The following PAPPA variants were observed in gnomAD, a reference collection of about 807,000 sequenced individuals.
PAPPA encodes the protein pappalysin-1.
Under a neutral mutation model 164.0 loss-of-function variants are expected in PAPPA, and 60 were observed. That is an observed-to-expected ratio of 0.37 (90% CI 0.30 to 0.45). PAPPA has a LOEUF of 0.45. Among genes scored for constraint, PAPPA ranks in the 20% least tolerant of loss-of-function variants. The probability of loss-of-function intolerance (pLI) is 1.00; values close to 1 mark genes in which losing one functional copy is unlikely to be tolerated. For missense variants in PAPPA, 1,782 were observed against 2,087.3 expected (o/e 0.85, Z 2.85); for synonymous variants, 875 against 814.1 (o/e 1.07, Z -1.27).
intron 10 of PAPPA, among the ~76,000 whole-genome samples, chr9:116,317,804 C>T (rs1038927897): frequency 1.3e-5 from 2 of 152,150 alleles, no homozygotes; most frequent in African/African-American, 4.8e-5. Context: ...GTGCTCCTGT[C>T]TAGAGTTGAG....
At chr9:116,350,930 G>T (rs1846273090) in intron 15 of PAPPA, among the ~76,000 whole-genome samples, 1 of 152,118 alleles carries the variant, frequency 6.6e-6, no homozygotes, top group Non-Finnish European at 1.5e-5. Context: ...TCCCCTATGG[G>T]GTTTACAGAC....
chr9:116,165,839 A>G (rs1208798742), intron 1 of PAPPA, among the ~76,000 whole-genome samples: 2 of 152,162 alleles, frequency 1.3e-5, no homozygotes, highest in Non-Finnish European at 2.9e-5. Flanking sequence ...ACTTCCCCAA[A>G]GTGTAACTTG....
intron 1 of PAPPA, among the ~76,000 whole-genome samples, chr9:116,155,640 C>A (rs569134170): frequency 6.6e-6 from 1 of 152,296 alleles, no homozygotes; most frequent in Admixed American, 6.5e-5. Context: ...GCGATCCCAC[C>A]CCCTCACACA....
intron 3 of PAPPA, among the ~76,000 whole-genome samples, chr9:116,209,928 G>T (rs974610542): frequency 6.6e-6 from 1 of 152,148 alleles, no homozygotes; most frequent in Admixed American, 6.5e-5. Flanking sequence ...CTGGACTCCA[G>T]GCTGCCCTCT....
chr9:116,177,591 T>G (rs1843852112), intron 1 of PAPPA, among the ~76,000 whole-genome samples: 1 of 152,228 alleles, frequency 6.6e-6, no homozygotes, highest in Non-Finnish European at 1.5e-5. Context: ...AGGGTCAGTC[T>G]TGGGGCTGCC....
At chr9:116,382,269 G>A in intron 20 of PAPPA, 126 bp from the exon 21 acceptor site, 1 of 680,184 alleles carries the variant, frequency 1.5e-6, no homozygotes, top group South Asian at 1.7e-5. Context: ...GGGATGTGAA[G>A]CCTGGCCAGC....
chr9:116,307,753 T>G (rs1012901545), intron 10 of PAPPA, among the ~76,000 whole-genome samples: 3 of 152,088 alleles, frequency 2.0e-5, no homozygotes, highest in Admixed American at 6.5e-5. Context: ...TGGCCGTTAA[T>G]GAGGTGAAGT....
At chr9:116,238,028 C>G (rs938795141) in intron 7 of PAPPA, among the ~76,000 whole-genome samples, 4 of 152,014 alleles carry the variant, frequency 2.6e-5, no homozygotes, top group Non-Finnish European at 5.9e-5. Context: ...TAGTTCTTCT[C>G]AATTTGGATT....
intron 10 of PAPPA, among the ~76,000 whole-genome samples, chr9:116,326,995 T>C (rs986569178): frequency 2.0e-5 from 3 of 152,224 alleles, no homozygotes; most frequent in African/African-American, 7.2e-5. Context: ...GATGGACATG[T>C]AGGTTGTTAC....
At chr9:116,393,631 T>C (rs1178846190) in intron 21 of PAPPA, among the ~76,000 whole-genome samples, 1 of 152,124 alleles carries the variant, frequency 6.6e-6, no homozygotes, top group Non-Finnish European at 1.5e-5. Flanking sequence ...TACCATTACT[T>C]TCAATGGCAA....
rs1843584207 is a variant in PAPPA at position 116,154,992 on chromosome 9, A to T, written c.415+405A>T. Reference sequence around the variant, plus strand: ...GACTTGGGGACCGTTGATTTCTTTGACGTTTTAATGGAGGTAACTCCCCTT... The same window carrying T: ...GACTTGGGGACCGTTGATTTCTTTGTCGTTTTAATGGAGGTAACTCCCCTT... On this transcript the variant is annotated intron_variant, in intron 1 of 21. Coordinates refer to ENST00000328252, the MANE Select transcript of PAPPA (RefSeq NM_002581.5). The surrounding 1 kb of genome is among the most constrained non-coding windows in gnomAD (Gnocchi z 5.2). Among the ~76,000 whole-genome samples the T allele has an allele frequency of 6.6e-6, 1 of 152,152 alleles. No homozygotes were observed. Among genetic ancestry groups the T allele is most frequent in the African/African-American group, 2.4e-5 (1 of 41,450 alleles).
At chr9:116,236,586 CAAAAAAAA>C (rs35004875) in intron 7 of PAPPA, among the ~76,000 whole-genome samples, 5 of 84,772 alleles carry the variant, frequency 5.9e-5, no homozygotes, top group African/African-American at 1.3e-4. Flanking sequence ...AACTCCATCT[CAAAAAAAA>C]AAAAAAAAAA....
intron 4 of PAPPA, among the ~76,000 whole-genome samples, chr9:116,214,584 T>C (rs1026927082): frequency 6.6e-6 from 1 of 152,214 alleles, no homozygotes; most frequent in Admixed American, 6.5e-5. Context: ...ACCAGGCAGT[T>C]GATGGGGGGA....
At chr9:116,181,613 A>G (rs1276952485) in intron 1 of PAPPA, among the ~76,000 whole-genome samples, 1 of 152,238 alleles carries the variant, frequency 6.6e-6, no homozygotes, top group Non-Finnish European at 1.5e-5. Flanking sequence ...ATCCACCACA[A>G]TGAAAAGGAA....
intron 3 of PAPPA, among the ~76,000 whole-genome samples, chr9:116,210,466 C>G (rs1844292832): frequency 6.6e-6 from 1 of 152,038 alleles, no homozygotes; most frequent in Non-Finnish European, 1.5e-5. Context: ...ACCTCCTCAC[C>G]ATTCTTTTAG....
chr9:116,171,211 C>A (rs1843772079), intron 1 of PAPPA, among the ~76,000 whole-genome samples: 1 of 152,168 alleles, frequency 6.6e-6, no homozygotes, highest in South Asian at 2.1e-4. Context: ...CACTTAGCCT[C>A]TGGGACTCTT....
intron 1 of PAPPA, among the ~76,000 whole-genome samples, chr9:116,183,794 A>G (rs1843935541): frequency 6.6e-6 from 1 of 151,838 alleles, no homozygotes; most frequent in African/African-American, 2.4e-5. Context: ...GCCACCCCTT[A>G]TTTCTTAACT....
chr9:116,201,078 G>A (rs1844166580), intron 2 of PAPPA, among the ~76,000 whole-genome samples: 1 of 152,154 alleles, frequency 6.6e-6, no homozygotes, highest in Non-Finnish European at 1.5e-5. Flanking sequence ...ATAGACTGGA[G>A]AGGCAGATTT....
chr9:116,300,734 G>A (rs574053538), intron 9 of PAPPA, among the ~76,000 whole-genome samples: 2 of 152,246 alleles, frequency 1.3e-5, no homozygotes, highest in Admixed American at 1.3e-4. Context: ...GTTTCTCCTT[G>A]GCAGGGGCTC....
Sources: gnomAD v4.1 joint callset for allele counts (sites outside exome capture counted in the v4.1 genomes callset) on GRCh38, gnomAD v4.1.1 for gene constraint, Gnocchi (gnomAD v3.1) non-coding constraint, MANE v1.5 for transcripts, NCBI Gene and HGNC (gene_info 2026-07-23, HGNC 2026-07-21) for gene names.